The following LRRC4C variants were observed in gnomAD, a reference collection of about 807,000 sequenced individuals.
LRRC4C encodes the protein leucine-rich repeat-containing protein 4C.
A neutral mutation model predicts 33.6 loss-of-function variants in LRRC4C; 5 were observed. The ratio of observed to expected loss-of-function variants is 0.15; its 90% CI spans 0.08 to 0.31. The LOEUF (loss-of-function observed/expected upper bound fraction) is 0.31, where lower values mean the gene tolerates loss of function less well. Among genes scored for constraint, LRRC4C ranks in the 10% least tolerant of loss-of-function variants. The probability of loss-of-function intolerance (pLI) is 1.00; values close to 1 mark genes in which losing one functional copy is unlikely to be tolerated. For synonymous variants in LRRC4C, 329 were observed against 302.0 expected (o/e 1.09, Z -0.93); for missense variants, 560 against 796.7 (o/e 0.70, Z 3.58).
intron 1 of LRRC4C, among the ~76,000 whole-genome samples, chr11:41,312,493 C>A (rs958335386): frequency 5.9e-5 from 9 of 152,168 alleles, no homozygotes; most frequent in African/African-American, 2.2e-4. Flanking sequence ...TTGCTGAACA[C>A]TTCTGCATTT....
At chr11:40,579,099 A>G (rs908253555) in intron 3 of LRRC4C, among the ~76,000 whole-genome samples, 3 of 152,190 alleles carry the variant, frequency 2.0e-5, no homozygotes, top group Non-Finnish European at 4.4e-5. Flanking sequence ...GCTCTTTGGG[A>G]GGCCGAGGTA....
At chr11:40,975,331 A>G (rs181483332) in intron 1 of LRRC4C, among the ~76,000 whole-genome samples, 1 of 152,290 alleles carries the variant, frequency 6.6e-6, no homozygotes, top group African/African-American at 2.4e-5. Flanking sequence ...TTGGCTTAGT[A>G]CTAGATTATC....
intron 3 of LRRC4C, among the ~76,000 whole-genome samples, chr11:40,584,397 G>A (rs1454510558): frequency 6.6e-6 from 1 of 151,590 alleles, no homozygotes; most frequent in East Asian, 2.0e-4. Context: ...AATCACTGGT[G>A]TGGAGGACTA....
intron 3 of LRRC4C, among the ~76,000 whole-genome samples, chr11:40,329,243 T>C (rs1946236421): frequency 6.6e-6 from 1 of 152,226 alleles, no homozygotes. Flanking sequence ...AAACCTTGTT[T>C]TACTTGGGCA....
At chr11:41,122,468 G>A (rs923221119) in intron 1 of LRRC4C, among the ~76,000 whole-genome samples, 47 of 151,866 alleles carry the variant, frequency 3.1e-4, no homozygotes, top group African/African-American at 1.1e-3. Flanking sequence ...TGAAAATAAA[G>A]CCTTGACATT....
intron 2 of LRRC4C, among the ~76,000 whole-genome samples, chr11:40,870,450 G>A (rs1232085834): frequency 1.3e-5 from 2 of 152,062 alleles, no homozygotes; most frequent in Non-Finnish European, 2.9e-5. Context: ...TAGAATCAGG[G>A]CTGTTGCAGG....
intron 2 of LRRC4C, among the ~76,000 whole-genome samples, chr11:40,804,386 G>A (rs1951162064): frequency 6.6e-6 from 1 of 152,102 alleles, no homozygotes; most frequent in Admixed American, 6.6e-5. Flanking sequence ...ATGCTTTCAA[G>A]AAATTTGACT....
chr11:40,974,364 C>T (rs1252145711), intron 1 of LRRC4C, among the ~76,000 whole-genome samples: 2 of 152,238 alleles, frequency 1.3e-5, no homozygotes, highest in African/African-American at 2.4e-5. Context: ...TTATGTTTTA[C>T]TGGCTGATGC....
At chr11:40,698,896 G>T (rs528121085) in intron 2 of LRRC4C, among the ~76,000 whole-genome samples, 1 of 152,022 alleles carries the variant, frequency 6.6e-6, no homozygotes, top group African/African-American at 2.4e-5. Flanking sequence ...GGGGGAAACC[G>T]CCCCTATGAC....
chr11:40,729,999 A>G lies in LRRC4C; in HGVS notation c.-406-81721T>C, dbSNP rs901830302. 1.3e-5 allele frequency among the ~76,000 whole-genome samples: 2 copies of G among 151,988 alleles called. 1 individual carries two copies. Among genetic ancestry groups the G allele is most frequent in the South Asian group, 4.1e-4 (2 of 4,824 alleles). On this transcript the variant is annotated intron_variant, in intron 2 of 6. Coordinates refer to ENST00000528697, the MANE Select transcript of LRRC4C (RefSeq NM_001258419.2). ...AAATCATCATTCTCAGTAAACTATC[A>G]CAAGAACAAAAAACCAAACACCGCA...
intron 3 of LRRC4C, among the ~76,000 whole-genome samples, chr11:40,324,071 G>C (rs1945981239): frequency 6.6e-6 from 1 of 152,218 alleles, no homozygotes; most frequent in Admixed American, 6.5e-5. Context: ...ATGTGTGTGT[G>C]AGTTTATGTG....
chr11:40,801,774 A>G (rs1308779847), intron 2 of LRRC4C, among the ~76,000 whole-genome samples: 1 of 152,198 alleles, frequency 6.6e-6, no homozygotes, highest in Non-Finnish European at 1.5e-5. Context: ...ACCTAAAAGT[A>G]ATAGAGTAAG....
At chr11:41,430,991 A>G (rs1430026623) in intron 1 of LRRC4C, among the ~76,000 whole-genome samples, 3 of 152,118 alleles carry the variant, frequency 2.0e-5, no homozygotes, top group Non-Finnish European at 2.9e-5. Flanking sequence ...AACTAATCAG[A>G]GTGTGTATTG....
intron 3 of LRRC4C, among the ~76,000 whole-genome samples, chr11:40,395,590 T>C (rs1376764467): frequency 6.6e-6 from 1 of 152,186 alleles, no homozygotes; most frequent in Non-Finnish European, 1.5e-5. Flanking sequence ...GACTTGAAGA[T>C]ATCACTTAAC....
chr11:40,852,982 A>T (rs1221896895), intron 2 of LRRC4C, among the ~76,000 whole-genome samples: 1 of 152,224 alleles, frequency 6.6e-6, no homozygotes, highest in African/African-American at 2.4e-5. Context: ...TATCAAGCAT[A>T]GCCATGTGTC....
intron 1 of LRRC4C, among the ~76,000 whole-genome samples, chr11:41,396,495 A>G (rs898092354): frequency 6.6e-6 from 1 of 151,938 alleles, no homozygotes; most frequent in Non-Finnish European, 1.5e-5. Context: ...TGATCTCTGC[A>G]ATATAATCAG....
intron 1 of LRRC4C, among the ~76,000 whole-genome samples, chr11:40,984,234 G>T (rs981336909): frequency 6.9e-6 from 1 of 145,116 alleles, no homozygotes; most frequent in African/African-American, 2.5e-5. Context: ...AAAGAGGAAA[G>T]GAAAGGGGAA....
intron 1 of LRRC4C, among the ~76,000 whole-genome samples, chr11:41,068,920 T>C (rs77467327): frequency 0.08 from 12,139 of 152,190 alleles, 616 homozygotes; most frequent in East Asian, 0.21. Flanking sequence ...ACTCATTATA[T>C]GAGGCCAGCA....
intron 1 of LRRC4C, among the ~76,000 whole-genome samples, chr11:41,162,765 A>G (rs1944531086): frequency 6.6e-6 from 1 of 152,224 alleles, no homozygotes; most frequent in Non-Finnish European, 1.5e-5. Flanking sequence ...TTGCTTTGGG[A>G]GAGCCAGTGA....
Sources: allele counts gnomAD v4.1 joint callset (sites outside exome capture counted in the v4.1 genomes callset), GRCh38; gene constraint gnomAD v4.1.1; transcripts MANE v1.5; gene names NCBI Gene and HGNC (gene_info 2026-07-23, HGNC 2026-07-21).